DLG2: variants seen among roughly 807,000 people sequenced by gnomAD.
The protein encoded by DLG2 is discs large MAGUK scaffold protein 2.
Under a neutral mutation model 132.5 loss-of-function variants are expected in DLG2, and 45 were observed. The ratio of observed to expected loss-of-function variants is 0.34; its 90% CI spans 0.27 to 0.44. The LOEUF is 0.44. DLG2 is among the 20% of genes least tolerant of loss of function. The pLI, the probability that DLG2 is intolerant of heterozygous loss-of-function variation, is 1.00. For missense variants in DLG2, 1,045 were observed against 1,196.9 expected (o/e 0.87, Z 1.87); for synonymous variants, 424 against 419.6 (o/e 1.01, Z -0.13).
At chr11:83,996,298 C>T (rs904469695) in intron 11 of DLG2, among the ~76,000 whole-genome samples, 1 of 152,082 alleles carries the variant, frequency 6.6e-6, no homozygotes, top group African/African-American at 2.4e-5. Flanking sequence ...GTTAAAATGG[C>T]CTATGTCCAA....
At chr11:84,900,824 G>A (rs927493280) in intron 6 of DLG2, among the ~76,000 whole-genome samples, 5 of 151,860 alleles carry the variant, frequency 3.3e-5, no homozygotes, top group Non-Finnish European at 5.9e-5. Context: ...ATCTACATAG[G>A]TTACGTAAGG....
intron 14 of DLG2, among the ~76,000 whole-genome samples, chr11:83,931,467 G>A (rs551119227): frequency 6.6e-6 from 1 of 152,270 alleles, no homozygotes; most frequent in Admixed American, 6.5e-5. Context: ...CTAAGAAAAT[G>A]ATGTTTCCAA....
chr11:83,562,669 C>T (rs565464899), intron 19 of DLG2, among the ~76,000 whole-genome samples: 2 of 152,142 alleles, frequency 1.3e-5, no homozygotes, highest in East Asian at 3.9e-4. Flanking sequence ...AGGTACATAT[C>T]AGTACAATCT....
chr11:84,802,896 T>C (rs1462476739), intron 6 of DLG2, among the ~76,000 whole-genome samples: 1 of 151,804 alleles, frequency 6.6e-6, no homozygotes, highest in Non-Finnish European at 1.5e-5. Context: ...ACCTCCCGGG[T>C]TCAAGCGATT....
intron 6 of DLG2, among the ~76,000 whole-genome samples, chr11:85,001,299 T>C (rs906644676): frequency 6.6e-6 from 1 of 152,140 alleles, no homozygotes; most frequent in African/African-American, 2.4e-5. Context: ...GGTCTCACTA[T>C]GTTGCCCACA....
intron 3 of DLG2, among the ~76,000 whole-genome samples, chr11:85,393,182 CAAAAG>C (rs2086957678): frequency 1.3e-5 from 2 of 152,046 alleles, no homozygotes; most frequent in South Asian, 4.2e-4. Context: ...AAATAATTCT[CAAAAG>C]AAAATATGCA....
intron 11 of DLG2, among the ~76,000 whole-genome samples, chr11:84,008,769 A>C (rs1407888250): frequency 1.3e-5 from 2 of 151,920 alleles, no homozygotes; most frequent in Non-Finnish European, 1.5e-5. Context: ...CTTTGGGTAG[A>C]GGTAAAACAA....
chr11:84,465,530 T>G (rs2099091903), intron 7 of DLG2, among the ~76,000 whole-genome samples: 2 of 151,256 alleles, frequency 1.3e-5, no homozygotes, highest in Non-Finnish European at 3.0e-5. Context: ...CATTATGGCT[T>G]AAATCAGTTT....
chr11:83,907,876 A>C (rs2075311614), intron 15 of DLG2, among the ~76,000 whole-genome samples: 1 of 152,104 alleles, frequency 6.6e-6, no homozygotes, highest in Non-Finnish European at 1.5e-5. Context: ...CTTCAAGCTC[A>C]TCTAGACAAC....
intron 15 of DLG2, among the ~76,000 whole-genome samples, chr11:83,929,441 T>C (rs1182367698): frequency 6.6e-6 from 1 of 152,214 alleles, no homozygotes; most frequent in Non-Finnish European, 1.5e-5. Context: ...CGCTGAATTC[T>C]ATTTTTCTTG....
At chr11:83,958,179 G>A (rs531498433) in intron 14 of DLG2, among the ~76,000 whole-genome samples, 150 of 152,184 alleles carry the variant, frequency 9.9e-4, no homozygotes, top group Non-Finnish European at 1.7e-3. Context: ...AGGAGAAAAG[G>A]CAACTTGAAT....
At chr11:83,661,493 G>A (rs932328372) in intron 18 of DLG2, among the ~76,000 whole-genome samples, 1 of 152,162 alleles carries the variant, frequency 6.6e-6, no homozygotes, top group Non-Finnish European at 1.5e-5. Context: ...CTATGTGCCA[G>A]ATAATATATA....
At chr11:84,592,868 C>A (rs10898271) in intron 6 of DLG2, among the ~76,000 whole-genome samples, 1 of 131,856 alleles carries the variant, frequency 7.6e-6, no homozygotes, top group African/African-American at 2.9e-5. Flanking sequence ...GAGGCCAAGG[C>A]GAGTGGATCA....
intron 19 of DLG2, among the ~76,000 whole-genome samples, chr11:83,623,412 A>C (rs2061957910): frequency 6.6e-6 from 1 of 152,236 alleles, no homozygotes; most frequent in Admixed American, 6.5e-5. Flanking sequence ...TCTGTAATCC[A>C]TTCATTTTAA....
chr11:83,582,237 T>C (rs1208450486), intron 19 of DLG2, among the ~76,000 whole-genome samples: 1 of 152,146 alleles, frequency 6.6e-6, no homozygotes, highest in Non-Finnish European at 1.5e-5. Context: ...ATTATAGGCA[T>C]GAGCCACCTC....
intron 18 of DLG2, among the ~76,000 whole-genome samples, chr11:83,703,857 G>A (rs2083408948): frequency 6.6e-6 from 1 of 151,992 alleles, no homozygotes. Flanking sequence ...TGGTAAATAG[G>A]CTAAGTCAAC....
chr11:85,537,871 C>T (rs1372567109), intron 3 of DLG2, among the ~76,000 whole-genome samples: 1 of 151,966 alleles, frequency 6.6e-6, no homozygotes, highest in African/African-American at 2.4e-5. Flanking sequence ...AATCCCAGCA[C>T]TCTGGGAGGC....
chr11:84,926,729 TC>T (rs1261248107), intron 6 of DLG2, among the ~76,000 whole-genome samples: 3 of 151,958 alleles, frequency 2.0e-5, no homozygotes, highest in African/African-American at 7.2e-5. Flanking sequence ...AATCCAACTA[TC>T]CCTTGTCAGT....
rs77595680 is a variant in DLG2, at chr11:84,092,204, G to A, written c.749+6719C>T. Among the ~76,000 whole-genome samples, 1,397 of 152,352 alleles carry A rather than the reference G, an allele frequency of 9.2e-3. 25 individuals carry two copies. The highest frequency in any genetic ancestry group is 0.032 in the African/African-American group (1,316 of 41,572). ...CTGTCCACATTCGAAGGAAAGGGAT[G>A]TAGGTTATTAGGGGGCATCTTAGAA... On this transcript the variant is annotated intron_variant, in intron 10 of 27. Transcript: ENST00000376104.
Sources: gnomAD v4.1 joint callset for allele counts (sites outside exome capture counted in the v4.1 genomes callset) on GRCh38, gnomAD v4.1.1 for gene constraint, MANE v1.5 for transcripts, NCBI Gene and HGNC (gene_info 2026-07-23, HGNC 2026-07-21) for gene names.